Variants in ARNT2 observed in about 807,000 individuals in gnomAD.
The protein encoded by ARNT2 is ARNT protein 2.
ARNT2 carries 36 observed loss-of-function variants against 91.7 expected under a neutral mutation model. The observed-to-expected ratio is 0.39, with a 90% CI of 0.30 to 0.52. The LOEUF (loss-of-function observed/expected upper bound fraction) is 0.52, where lower values mean the gene tolerates loss of function less well. Ranked by LOEUF, ARNT2 falls within the 20% of genes least tolerant of loss-of-function variation. ARNT2 has a pLI of 0.72. For synonymous variants in ARNT2, 365 were observed against 347.1 expected, an observed-to-expected ratio of 1.05 and a Z score of -0.57; for missense variants, 775 against 939.3, an observed-to-expected ratio of 0.83 and a Z score of 2.29.
chr15:80,528,161 T>A (rs915041336), intron 8 of ARNT2, among the ~76,000 whole-genome samples: 13 of 152,104 alleles, frequency 8.5e-5, no homozygotes, highest in African/African-American at 3.1e-4. Context: ...GGGAGATGTG[T>A]GATGACTGGG....
intron 8 of ARNT2, among the ~76,000 whole-genome samples, chr15:80,540,843 C>A (rs1897893595): frequency 1.3e-5 from 2 of 152,072 alleles, no homozygotes; most frequent in Admixed American, 1.3e-4. Context: ...TTTTTTATGG[C>A]CATGTAGTAT....
At chr15:80,527,905 G>T (rs76125188) in intron 8 of ARNT2, among the ~76,000 whole-genome samples, 253 of 152,276 alleles carry the variant, frequency 1.7e-3, no homozygotes, top group African/African-American at 5.8e-3. Flanking sequence ...AGGGGGCCTT[G>T]TGTGCTAAGC....
intron 10 of ARNT2, 64 bp downstream of exon 10, chr15:80,552,838 T>G: frequency 6.4e-7 from 1 of 1,570,232 alleles, no homozygotes; most frequent in Admixed American, 1.7e-5. Flanking sequence ...AAAACATTCT[T>G]ACTTCATTTG....
intron 1 of ARNT2, among the ~76,000 whole-genome samples, chr15:80,409,925 G>A (rs747695903): frequency 3.9e-5 from 6 of 152,164 alleles, no homozygotes; most frequent in East Asian, 1.9e-4. Flanking sequence ...AAGGGTGAAA[G>A]CGGTGTGAGA....
intron 5 of ARNT2, among the ~76,000 whole-genome samples, chr15:80,505,294 A>G (rs1897258173): frequency 6.6e-6 from 1 of 152,196 alleles, no homozygotes; most frequent in Non-Finnish European, 1.5e-5. Flanking sequence ...AGAGGCTGGA[A>G]TGAAGGGGAC....
intron 1 of ARNT2, among the ~76,000 whole-genome samples, chr15:80,434,711 G>A (rs529141624): frequency 7.9e-5 from 12 of 152,198 alleles, no homozygotes; most frequent in African/African-American, 2.6e-4. Flanking sequence ...CAGGTAGACC[G>A]GGAGAGGGAG....
At chr15:80,544,901 AT>A (rs528469026) in intron 8 of ARNT2, among the ~76,000 whole-genome samples, 170 of 152,356 alleles carry the variant, frequency 1.1e-3, no homozygotes, top group African/African-American at 3.8e-3. Context: ...AGAAGAATGT[AT>A]GACTCTAAGG....
chr15:80,481,950 C>T (rs778582490), intron 5 of ARNT2, among the ~76,000 whole-genome samples: 2 of 152,118 alleles, frequency 1.3e-5, no homozygotes, highest in South Asian at 2.1e-4. Context: ...CACCCAGGCT[C>T]GAGTGCAGTA....
At chr15:80,420,656 G>T (rs1169221876) in intron 1 of ARNT2, among the ~76,000 whole-genome samples, 3 of 151,722 alleles carry the variant, frequency 2.0e-5, no homozygotes, top group Admixed American at 2.0e-4. Flanking sequence ...AGAATTATAT[G>T]TGAATATATA....
chr15:80,521,613 G>A lies in ARNT2; in HGVS notation c.877+7208G>A, dbSNP rs187334910. 1.1e-4 allele frequency among the ~76,000 whole-genome samples: 16 copies of A among 151,874 alleles called. No individual in the cohort carries two copies. In the East Asian group the frequency reaches 2.9e-3, roughly 28 times the overall value. On this transcript the variant is annotated intron_variant, in intron 8 of 18. Coordinates refer to ENST00000303329, the MANE Select transcript of ARNT2 (RefSeq NM_014862.4). ...TTATTAAATTCTACATGTCATTGCA[G>A]TCCATATAAATAAATACTTTAATAC...
At chr15:80,574,251 G>GGACTC (rs1201850515) in intron 13 of ARNT2, 31 bp downstream of exon 13, 1 of 1,603,006 alleles carries the variant, frequency 6.2e-7, no homozygotes, top group South Asian at 1.1e-5. Context: ...TTCCCTGTTG[G>GGACTC]AATTGTCTCC....
chr15:80,499,779 C>T (rs1897166461), intron 5 of ARNT2, among the ~76,000 whole-genome samples: 1 of 152,174 alleles, frequency 6.6e-6, no homozygotes, highest in Non-Finnish European at 1.5e-5. Context: ...CAACCAATCA[C>T]TATGGCGAGG....
chr15:80,452,516 G>C (rs965466812), intron 2 of ARNT2, among the ~76,000 whole-genome samples: 9 of 152,192 alleles, frequency 5.9e-5, no homozygotes, highest in Non-Finnish European at 1.2e-4. Context: ...GAAGACAAGA[G>C]GTGTCAACTT....
intron 8 of ARNT2, among the ~76,000 whole-genome samples, chr15:80,523,562 A>G (rs752863567): frequency 5.3e-5 from 8 of 152,154 alleles, no homozygotes; most frequent in Non-Finnish European, 1.0e-4. Flanking sequence ...ACTTGAGTTA[A>G]TCATTCTAAT....
intron 1 of ARNT2, among the ~76,000 whole-genome samples, chr15:80,431,633 C>T (rs1266214971): frequency 1.3e-5 from 2 of 152,204 alleles, no homozygotes; most frequent in African/African-American, 2.4e-5. Context: ...ACCTTCCTCT[C>T]GTGATTGTCT....
At chr15:80,410,277 G>A (rs1037159950) in intron 1 of ARNT2, among the ~76,000 whole-genome samples, 4 of 152,158 alleles carry the variant, frequency 2.6e-5, no homozygotes, top group Admixed American at 1.3e-4. Flanking sequence ...CCTTGGGCAC[G>A]ACATGTCCTG....
intron 17 of ARNT2, among the ~76,000 whole-genome samples, chr15:80,588,906 T>C (rs1008946398): frequency 3.9e-5 from 6 of 152,212 alleles, no homozygotes; most frequent in Non-Finnish European, 8.8e-5. Flanking sequence ...GCTATATGCT[T>C]GTTGAGAGAG....
chr15:80,475,558 TCAAA>T, intron 5 of ARNT2: 4 of 39,044 alleles, frequency 1.0e-4, no homozygotes, highest in East Asian at 9.7e-4. Flanking sequence ...AGACTCTGTC[TCAAA>T]AAAAAAAAAA....
Position 80,404,511 on chromosome 15 carries a change from G to A in ARNT2, c.-5G>A. 8.1e-7 allele frequency: 1 copy of A among 1,235,022 alleles called. No homozygotes were observed. The highest frequency in any genetic ancestry group is 1.0e-6 in the Non-Finnish European group (1 of 970,114). The allele number at this position is 1,235,022 out of a possible 1,614,324, so 76.5% of individuals were successfully genotyped here. The stretch of plus-strand genomic sequence containing the variant: ...CCAAGCGGGCGCCTATCCTCTCCGA[G>A]CAAGATGGCAACCCCGGCGGCGGTC... On this transcript the variant is annotated 5_prime_UTR_variant, in exon 1 of 19. Coordinates refer to ENST00000303329, the MANE Select transcript of ARNT2 (RefSeq NM_014862.4). The surrounding 1 kb of genome is among the most constrained non-coding windows in gnomAD (Gnocchi z 5.5).
Sources: allele counts gnomAD v4.1 joint callset (sites outside exome capture counted in the v4.1 genomes callset), GRCh38; gene constraint gnomAD v4.1.1; non-coding constraint Gnocchi (gnomAD v3.1); transcripts MANE v1.5; gene names NCBI Gene and HGNC (gene_info 2026-07-23, HGNC 2026-07-21).